Variants in BCKDHB observed in about 807,000 individuals in gnomAD.
BCKDHB encodes the protein 2-oxoisovalerate dehydrogenase subunit beta, mitochondrial.
In BCKDHB, 41 loss-of-function variants were observed where a neutral mutation model predicts 48.5. That is an observed-to-expected ratio of 0.85 (90% CI 0.66 to 1.10). The LOEUF (loss-of-function observed/expected upper bound fraction) is 1.10. Among genes scored for constraint, BCKDHB ranks in the 50% least tolerant of loss-of-function variants. BCKDHB has a pLI of 0.00. For missense variants in BCKDHB, 496 were observed against 494.2 expected, an observed-to-expected ratio of 1.00 and a Z score of -0.03; for synonymous variants, 201 against 174.8, an observed-to-expected ratio of 1.15 and a Z score of -1.18.
chr6:80,364,137 A>G, the BCKDHB span, among the ~76,000 whole-genome samples: 5 of 152,224 alleles, frequency 3.3e-5, no homozygotes, highest in African/African-American at 1.2e-4. Flanking sequence ...TTTTAAATTC[A>G]TGTGTGTATG....
chr6:80,153,378 C>T (rs1226819053), intron 3 of BCKDHB, among the ~76,000 whole-genome samples: 2 of 152,114 alleles, frequency 1.3e-5, no homozygotes, highest in East Asian at 3.9e-4. Flanking sequence ...AGAGATAATG[C>T]TTATTGTTGA....
intron 8 of BCKDHB, among the ~76,000 whole-genome samples, chr6:80,238,171 T>C (rs960112060): frequency 6.6e-6 from 1 of 152,140 alleles, no homozygotes; most frequent in African/African-American, 2.4e-5. Flanking sequence ...GATCTTGGCT[T>C]ATAGCAACCT....
At chr6:80,332,329 A>G (rs997943629) in intron 9 of BCKDHB, among the ~76,000 whole-genome samples, 1 of 152,202 alleles carries the variant, frequency 6.6e-6, no homozygotes, top group East Asian at 1.9e-4. Context: ...TTTAATTGCA[A>G]TGGCTTGTTC....
At chr6:80,421,796 C>A in the BCKDHB span, among the ~76,000 whole-genome samples, 1 of 152,144 alleles carries the variant, frequency 6.6e-6, no homozygotes, top group Non-Finnish European at 1.5e-5. Flanking sequence ...AGTGACCTGG[C>A]TGATTCCAAA....
intron 9 of BCKDHB, among the ~76,000 whole-genome samples, chr6:80,285,557 T>C (rs1766587597): frequency 6.6e-6 from 1 of 152,144 alleles, no homozygotes; most frequent in African/African-American, 2.4e-5. Context: ...TCTTTTCTCC[T>C]TTCTGCCTGC....
At chr6:80,428,725 T>C in the BCKDHB span, among the ~76,000 whole-genome samples, 1 of 152,206 alleles carries the variant, frequency 6.6e-6, no homozygotes, top group Non-Finnish European at 1.5e-5. Context: ...TTGTTTGTTT[T>C]TTTTCTTGTA....
At chr6:80,241,122 A>G (rs1776368645) in intron 8 of BCKDHB, among the ~76,000 whole-genome samples, 1 of 151,920 alleles carries the variant, frequency 6.6e-6, no homozygotes, top group South Asian at 2.1e-4. Context: ...GGTCTTCTCT[A>G]TGCTGTTTAT....
chr6:80,417,511 G>C, the BCKDHB span, among the ~76,000 whole-genome samples: 2 of 152,238 alleles, frequency 1.3e-5, no homozygotes, highest in South Asian at 4.2e-4. Context: ...CTTCCTTCAG[G>C]ACTTCTTGTA....
chr6:80,187,625 T>C (rs1582313322), intron 6 of BCKDHB, among the ~76,000 whole-genome samples: 1 of 151,844 alleles, frequency 6.6e-6, no homozygotes, highest in Non-Finnish European at 1.5e-5. Flanking sequence ...TTGAACAAAC[T>C]TACAACCCAA....
intron 8 of BCKDHB, among the ~76,000 whole-genome samples, chr6:80,224,946 C>T (rs574469817): frequency 6.6e-6 from 1 of 152,190 alleles, no homozygotes; most frequent in Non-Finnish European, 1.5e-5. Flanking sequence ...GCAACCAGTT[C>T]TTTTGTTGTG....
intron 1 of BCKDHB, 114 bp from the exon 2 acceptor site, chr6:80,127,433 A>G (rs1770400930): frequency 8.2e-6 from 7 of 858,330 alleles, no homozygotes; most frequent in Non-Finnish European, 1.4e-5. Flanking sequence ...AGCAATTTGC[A>G]TAATATCTTT....
chr6:80,351,306 G>GTGTC, the BCKDHB span, among the ~76,000 whole-genome samples: 1 of 152,000 alleles, frequency 6.6e-6, no homozygotes, highest in African/African-American at 2.4e-5. Flanking sequence ...GTGCTTTAAG[G>GTGTC]TGTCTATGTG....
At chr6:80,169,645 A>G (rs144713026) in intron 5 of BCKDHB, among the ~76,000 whole-genome samples, 27 of 152,168 alleles carry the variant, frequency 1.8e-4, no homozygotes, top group African/African-American at 6.3e-4. Flanking sequence ...AATTTTTTGT[A>G]TTATCTTTTC....
At chr6:80,390,036 A>T in the BCKDHB span, among the ~76,000 whole-genome samples, 71,192 of 151,940 alleles carry the variant, frequency 0.47, 18,022 homozygotes, top group Non-Finnish European at 0.58. Flanking sequence ...GGAAGTTAAG[A>T]TTGCAACCTG....
intron 6 of BCKDHB, among the ~76,000 whole-genome samples, chr6:80,185,556 G>T (rs1773603283): frequency 6.6e-6 from 1 of 152,114 alleles, no homozygotes; most frequent in Non-Finnish European, 1.5e-5. Flanking sequence ...TAGTGTTTCA[G>T]TGGAAAGAAC....
chr6:80,112,755 C>G (rs773369870), intron 1 of BCKDHB, among the ~76,000 whole-genome samples: 33 of 152,290 alleles, frequency 2.2e-4, no homozygotes, highest in Admixed American at 7.8e-4. Context: ...GAGTTGGATT[C>G]CCCGGGGTGT....
chr6:80,116,842 A>G (rs1769730292), intron 1 of BCKDHB, among the ~76,000 whole-genome samples: 1 of 152,222 alleles, frequency 6.6e-6, no homozygotes, highest in African/African-American at 2.4e-5. Flanking sequence ...ATAAATTTTT[A>G]GTGATGTATA....
chr6:80,423,268 G>A, the BCKDHB span, among the ~76,000 whole-genome samples: 1 of 152,012 alleles, frequency 6.6e-6, no homozygotes, highest in Non-Finnish European at 1.5e-5. Flanking sequence ...GTTTCCTGAG[G>A]CCTCCTCAGC....
chr6:80,460,090 A>T, the BCKDHB span, among the ~76,000 whole-genome samples: 2 of 152,166 alleles, frequency 1.3e-5, no homozygotes, highest in Non-Finnish European at 2.9e-5. Flanking sequence ...AAGATGTAAG[A>T]AATATCCTTA....
Sources: allele counts gnomAD v4.1 joint callset (sites outside exome capture counted in the v4.1 genomes callset), GRCh38; gene constraint gnomAD v4.1.1; transcripts MANE v1.5; gene names NCBI Gene and HGNC (gene_info 2026-07-23, HGNC 2026-07-21).